Variants in BCHE observed in about 807,000 individuals in gnomAD.
The protein encoded by BCHE is butyrylcholinesterase, also known as cholinesterase.
A neutral mutation model predicts 51.3 loss-of-function variants in BCHE; 48 were observed. The observed-to-expected ratio is 0.94, with a 90% confidence interval of 0.74 to 1.19. BCHE has a LOEUF of 1.19. Ranked by LOEUF, BCHE falls within the 50% of genes most tolerant of loss-of-function variation. BCHE has a pLI of 0.00. For missense variants in BCHE, 847 were observed against 708.2 expected, an observed-to-expected ratio of 1.20 and a Z score of -2.23; for synonymous variants, 251 against 238.0, an observed-to-expected ratio of 1.05 and a Z score of -0.50.
chr3:165,776,099 G>C (rs1472078346), intron 3 of BCHE, among the ~76,000 whole-genome samples: 1 of 151,754 alleles, frequency 6.6e-6, no homozygotes, highest in Non-Finnish European at 1.5e-5. Context: ...AAAATTTAGG[G>C]CTGGCACATT....
intron 2 of BCHE, among the ~76,000 whole-genome samples, chr3:165,820,701 G>T (rs1170346024): frequency 6.6e-6 from 1 of 151,906 alleles, no homozygotes; most frequent in Non-Finnish European, 1.5e-5. Flanking sequence ...TTATAAGTCT[G>T]ATAATAATTG....
At chr3:165,775,116 C>G (rs774018909) in intron 3 of BCHE, among the ~76,000 whole-genome samples, 5 of 151,924 alleles carry the variant, frequency 3.3e-5, no homozygotes, top group Non-Finnish European at 5.9e-5. Context: ...AGTTAGAAAT[C>G]TTTGAAATTA....
At chr3:165,776,797 C>G (rs1712489395) in intron 3 of BCHE, among the ~76,000 whole-genome samples, 1 of 151,428 alleles carries the variant, frequency 6.6e-6, no homozygotes, top group Non-Finnish European at 1.5e-5. Flanking sequence ...TTTCCAGATT[C>G]TTATGTAGAG....
chr3:165,831,036 T>G lies in BCHE; in HGVS notation c.-3A>C, dbSNP rs1296055903. The G allele has an allele frequency of 2.5e-6, 4 of 1,609,008 alleles. No homozygotes were observed. The highest frequency in any genetic ancestry group is 3.4e-6 in the Non-Finnish European group (4 of 1,178,142). On this transcript the variant is annotated 5_prime_UTR_variant, in exon 2 of 4. Coordinates refer to ENST00000264381, the MANE Select transcript of BCHE (RefSeq NM_000055.4). ...ATGATTGTGACTTTGCTATGCATAT[T>G]GATTTCTGAAAGAGAGGTAAGTATA...
chr3:165,786,799 T>C (rs1712973553), intron 2 of BCHE, among the ~76,000 whole-genome samples: 1 of 151,782 alleles, frequency 6.6e-6, no homozygotes, highest in African/African-American at 2.4e-5. Context: ...AATAATCTCA[T>C]TACTCCAGGA....
At chr3:165,827,391 A>G (rs1294392876) in intron 2 of BCHE, among the ~76,000 whole-genome samples, 1 of 151,580 alleles carries the variant, frequency 6.6e-6, no homozygotes, top group African/African-American at 2.4e-5. Flanking sequence ...TAAAATGTCA[A>G]TTTTTATTTA....
At chr3:165,811,433 A>AAT (rs35509667) in intron 2 of BCHE, among the ~76,000 whole-genome samples, 1 of 151,332 alleles carries the variant, frequency 6.6e-6, no homozygotes, top group Non-Finnish European at 1.5e-5. Flanking sequence ...GAGCAGTGTA[A>AAT]GTGTGTGTGT....
chr3:165,830,754 A>G lies in BCHE; in HGVS notation c.280T>C (p.Cys94Arg). The G allele has an allele frequency of 6.2e-7, 1 of 1,613,830 alleles. No homozygotes were observed. Among genetic ancestry groups the G allele is most frequent in the Non-Finnish European group, 8.5e-7 (1 of 1,179,886 alleles). The change falls in exon 2 of 4, where the codon TGT (cysteine) becomes CGT (arginine). Residue 94 changes from cysteine (C) to arginine (R), a missense_variant. Coordinates refer to ENST00000264381, the MANE Select transcript of BCHE (RefSeq NM_000055.4). The stretch of plus-strand genomic sequence containing the variant: ...GGAAAACTTTGATCTATGTTCTGAC[A>G]GCAAGAATTTGCATATTTTGTGGCA... The part of the protein sequence containing the change: ...WNATKYANSC[C>R]QNIDQSFPGF...
chr3:165,774,081 A>G (rs1331078883), intron 3 of BCHE, among the ~76,000 whole-genome samples: 1 of 152,058 alleles, frequency 6.6e-6, no homozygotes, highest in East Asian at 1.9e-4. Flanking sequence ...TTCATACCTA[A>G]TATAATGAAA....
At chr3:165,780,902 C>T in intron 3 of BCHE, among the ~76,000 whole-genome samples, 1 of 152,120 alleles carries the variant, frequency 6.6e-6, no homozygotes. Context: ...CCAGCAATCC[C>T]ATTACTGGGT....
At chr3:165,780,777 C>A (rs1372421879) in intron 3 of BCHE, among the ~76,000 whole-genome samples, 9 of 152,044 alleles carry the variant, frequency 5.9e-5, no homozygotes, top group African/African-American at 9.7e-5. Context: ...GCTGGTGAGG[C>A]TGTGGAGAAA....
intron 3 of BCHE, among the ~76,000 whole-genome samples, chr3:165,776,256 TGTAA>T (rs1469766211): frequency 6.6e-6 from 1 of 151,982 alleles, no homozygotes; most frequent in Non-Finnish European, 1.5e-5. Context: ...GCTCAAACAA[TGTAA>T]GTTTCTTAGA....
chr3:165,830,572 A>G lies in BCHE; in HGVS notation c.462T>C (p.His154=), dbSNP rs1714930857. Residue 154 remains histidine, a synonymous_variant, in exon 2 of 4, where the codon CAT becomes CAC. Transcript: ENST00000264381. ...GGFQTGTSSL[H]VYDGKFLARV... ...GAGCCAGAAACTTGCCATCATAAAC[A>G]TGTAAAGATGATGTTCCAGTTTGAA... 1.2e-6 allele frequency: 2 copies of G among 1,614,002 alleles called. No homozygotes were observed. The highest frequency in any genetic ancestry group is 8.5e-7 in the Non-Finnish European group (1 of 1,179,956).
intron 3 of BCHE, chr3:165,778,777 T>C (rs1308561783): frequency 2.5e-6 from 1 of 404,728 alleles, no homozygotes; most frequent in African/African-American, 2.0e-5. Flanking sequence ...AAAAGACTTT[T>C]TAAAAGATAA....
chr3:165,802,639 T>C (rs1006455057), intron 2 of BCHE, among the ~76,000 whole-genome samples: 42 of 152,098 alleles, frequency 2.8e-4, no homozygotes, highest in Non-Finnish European at 5.9e-5. Flanking sequence ...TTTTTTTTTT[T>C]TTGTAATTGT....
chr3:165,819,527 A>T (rs1008789769), intron 2 of BCHE, among the ~76,000 whole-genome samples: 2 of 152,142 alleles, frequency 1.3e-5, no homozygotes, highest in African/African-American at 4.8e-5. Flanking sequence ...TCATAAATGC[A>T]TTTACCAGTA....
At chr3:165,804,864 G>T (rs191337530) in intron 2 of BCHE, among the ~76,000 whole-genome samples, 1 of 152,266 alleles carries the variant, frequency 6.6e-6, no homozygotes, top group East Asian at 1.9e-4. Context: ...TAAGCTGTTT[G>T]ATAGCAATCA....
intron 2 of BCHE, among the ~76,000 whole-genome samples, chr3:165,803,244 A>T (rs1254467092): frequency 3.3e-5 from 5 of 152,212 alleles, no homozygotes; most frequent in African/African-American, 1.2e-4. Flanking sequence ...CAAACAAAAT[A>T]AACGAAAAGT....
chr3:165,778,551 G>C (rs1242286465), intron 3 of BCHE: 1 of 321,020 alleles, frequency 3.1e-6, no homozygotes, highest in Admixed American at 3.0e-5. Context: ...TCTGGTTCCT[G>C]CTTATCTGGC....
Sources: allele counts gnomAD v4.1 joint callset (sites outside exome capture counted in the v4.1 genomes callset), GRCh38; gene constraint gnomAD v4.1.1; transcripts MANE v1.5; gene names NCBI Gene and HGNC (gene_info 2026-07-23, HGNC 2026-07-21).